Variants in SND1 observed in about 807,000 individuals in gnomAD.
The protein encoded by SND1 is staphylococcal nuclease and tudor domain containing 1.
A neutral mutation model predicts 121.7 loss-of-function variants in SND1; 38 were observed. The ratio of observed to expected loss-of-function variants is 0.31; its 90% CI spans 0.24 to 0.41. The LOEUF (loss-of-function observed/expected upper bound fraction) is 0.41, where lower values mean the gene tolerates loss of function less well. Ranked by LOEUF, SND1 falls within the 10% of genes least tolerant of loss-of-function variation. The probability of loss-of-function intolerance (pLI) is 1.00; values close to 1 mark genes in which losing one functional copy is unlikely to be tolerated. For synonymous variants in SND1, 401 were observed against 447.4 expected (o/e 0.90, Z 1.31); for missense variants, 868 against 1,184.6 (o/e 0.73, Z 3.92).
At chr7:127,697,281 T>C (rs1314913273) in intron 3 of SND1, among the ~76,000 whole-genome samples, 1 of 152,234 alleles carries the variant, frequency 6.6e-6, no homozygotes, top group Non-Finnish European at 1.5e-5. Flanking sequence ...CATCCACATT[T>C]CGTTGCCTCC....
intron 12 of SND1, among the ~76,000 whole-genome samples, chr7:127,868,096 T>C (rs1799512697): frequency 6.6e-6 from 1 of 152,100 alleles, no homozygotes; most frequent in African/African-American, 2.4e-5. Flanking sequence ...TTACTTATAA[T>C]AAGACTCATA....
chr7:127,722,420 A>G (rs1327938472), intron 10 of SND1, among the ~76,000 whole-genome samples: 1 of 151,946 alleles, frequency 6.6e-6, no homozygotes, highest in African/African-American at 2.4e-5. Flanking sequence ...CTGGGCTCAA[A>G]CAGTCCTTCT....
intron 15 of SND1, among the ~76,000 whole-genome samples, chr7:127,940,929 A>T (rs1305660119): frequency 6.6e-6 from 1 of 152,254 alleles, no homozygotes; most frequent in Non-Finnish European, 1.5e-5. Context: ...GGACAGGGCC[A>T]CTGACCACAG....
intron 16 of SND1, among the ~76,000 whole-genome samples, chr7:128,059,738 G>A (rs1793200624): frequency 6.6e-6 from 1 of 152,136 alleles, no homozygotes. Flanking sequence ...GGCCTTGGAA[G>A]CTGTCTTTGT....
At chr7:127,684,808 T>TA (rs1024060748) in intron 1 of SND1, among the ~76,000 whole-genome samples, 6 of 152,170 alleles carry the variant, frequency 3.9e-5, no homozygotes, top group Admixed American at 1.3e-4. Context: ...AACCAGGGAT[T>TA]AAAGTGACTT....
chr7:127,801,697 G>T (rs774483993), intron 10 of SND1, among the ~76,000 whole-genome samples: 1 of 152,028 alleles, frequency 6.6e-6, no homozygotes, highest in African/African-American at 2.4e-5. Context: ...TCGCTCTGCC[G>T]CCTCCTTGCC....
At chr7:127,786,305 T>C (rs1797810755) in intron 10 of SND1, among the ~76,000 whole-genome samples, 1 of 152,224 alleles carries the variant, frequency 6.6e-6, no homozygotes, top group Non-Finnish European at 1.5e-5. Flanking sequence ...CATTGCCCTT[T>C]TAATGGCTTC....
At chr7:127,881,217 A>G (rs746953661) in intron 12 of SND1, among the ~76,000 whole-genome samples, 2 of 152,056 alleles carry the variant, frequency 1.3e-5, no homozygotes, top group Non-Finnish European at 2.9e-5. Flanking sequence ...AAGAATTACC[A>G]CATTCCCCAT....
chr7:127,924,452 A>C (rs1005840830), intron 14 of SND1, among the ~76,000 whole-genome samples: 1 of 152,074 alleles, frequency 6.6e-6, no homozygotes, highest in Non-Finnish European at 1.5e-5. Context: ...CTGTGCTGTT[A>C]TGTTTACCTC....
chr7:127,966,937 C>T (rs1801866144), intron 15 of SND1, among the ~76,000 whole-genome samples: 1 of 152,046 alleles, frequency 6.6e-6, no homozygotes. Flanking sequence ...AAAGGATCAA[C>T]AAAATTGATA....
chr7:127,976,779 A>G (rs1306878383), intron 15 of SND1, among the ~76,000 whole-genome samples: 2 of 152,208 alleles, frequency 1.3e-5, no homozygotes, highest in African/African-American at 4.8e-5. Context: ...GAATGAGAGA[A>G]GGAAATGAAT....
At chr7:127,654,926 T>C (rs552655648) in intron 1 of SND1, among the ~76,000 whole-genome samples, 66 of 152,264 alleles carry the variant, frequency 4.3e-4, no homozygotes, top group Non-Finnish European at 8.4e-4. Flanking sequence ...TGTATTTTCC[T>C]GTAGAGTAAT....
In SND1 at chr7:127,904,749, C is replaced by G; in HGVS notation, c.1457C>G (p.Ala486Gly). ...GTTTTTCTCTTCTTCCTTAACAGAGCTATTAAGAATGGCAAAGGATTGCAT... is the reference window on the plus strand; with the variant it reads ...GTTTTTCTCTTCTTCCTTAACAGAGGTATTAAGAATGGCAAAGGATTGCAT... ...YDELLAAEAR[A>G]IKNGKGLHSK... The change falls in exon 14 of 24, where the codon GCT becomes GGT. Residue 486 changes from alanine (A) to glycine (G), a missense_variant and splice_region_variant. By Grantham distance (60) the Ala-to-Gly change is moderately conservative. Coordinates refer to ENST00000354725, the MANE Select transcript of SND1 (RefSeq NM_014390.4). 1 of 1,603,312 alleles carries G rather than the reference C, an allele frequency of 6.2e-7. No homozygotes were observed. Among genetic ancestry groups the G allele is most frequent in the Non-Finnish European group, 8.5e-7 (1 of 1,170,270 alleles).
chr7:128,019,733 A>C (rs1032515640), intron 16 of SND1, among the ~76,000 whole-genome samples: 3 of 152,376 alleles, frequency 2.0e-5, no homozygotes, highest in Admixed American at 6.5e-5. Flanking sequence ...ATCATGAAGA[A>C]GACAAATTCT....
intron 10 of SND1, among the ~76,000 whole-genome samples, chr7:127,768,526 G>A (rs887746180): frequency 2.6e-5 from 4 of 152,178 alleles, no homozygotes; most frequent in African/African-American, 9.7e-5. Flanking sequence ...GTTGAGGAAT[G>A]TTTTCAAATG....
At chr7:127,867,729 C>T (rs1344373720) in intron 12 of SND1, among the ~76,000 whole-genome samples, 2 of 152,068 alleles carry the variant, frequency 1.3e-5, no homozygotes, top group Non-Finnish European at 2.9e-5. Flanking sequence ...AGTCTTACTG[C>T]CCTCCAATCC....
At chr7:127,723,225 G>A (rs1347842376) in intron 10 of SND1, among the ~76,000 whole-genome samples, 2 of 152,144 alleles carry the variant, frequency 1.3e-5, no homozygotes, top group African/African-American at 4.8e-5. Context: ...TTTAGTCCCA[G>A]TATCCTTTGG....
At chr7:127,826,732 A>G (rs1798649365) in intron 11 of SND1, among the ~76,000 whole-genome samples, 1 of 152,228 alleles carries the variant, frequency 6.6e-6, no homozygotes, top group South Asian at 2.1e-4. Flanking sequence ...TTAAAACAAC[A>G]TAGCAACAAA....
At chr7:127,663,368 A>G (rs1037008994) in intron 1 of SND1, among the ~76,000 whole-genome samples, 2 of 146,332 alleles carry the variant, frequency 1.4e-5, no homozygotes, top group Non-Finnish European at 3.0e-5. Flanking sequence ...GTGAGGGCCT[A>G]CTGTACTTCT....
Sources: gnomAD v4.1 joint callset for allele counts (sites outside exome capture counted in the v4.1 genomes callset) on GRCh38, gnomAD v4.1.1 for gene constraint, MANE v1.5 for transcripts, NCBI Gene and HGNC (gene_info 2026-07-23, HGNC 2026-07-21) for gene names.